The following PTPRD variants were observed in gnomAD, a reference collection of about 807,000 sequenced individuals.
PTPRD encodes receptor-type tyrosine-protein phosphatase delta.
In PTPRD, 34 loss-of-function variants were observed where a neutral mutation model predicts 214.5. The ratio of observed to expected loss-of-function variants is 0.16; its 90% CI spans 0.12 to 0.21. PTPRD has a LOEUF of 0.21. Ranked by LOEUF, PTPRD falls within the 10% of genes least tolerant of loss-of-function variation. The probability of loss-of-function intolerance (pLI) is 1.00; values close to 1 mark genes in which losing one functional copy is unlikely to be tolerated. For missense variants in PTPRD, 2,545 were observed against 2,398.7 expected, an observed-to-expected ratio of 1.06 and a Z score of -1.27; for synonymous variants, 1,128 against 845.7, an observed-to-expected ratio of 1.33 and a Z score of -5.79.
At chr9:9,407,519 T>C (rs1480607694) in intron 8 of PTPRD, among the ~76,000 whole-genome samples, 1 of 151,794 alleles carries the variant, frequency 6.6e-6, no homozygotes, top group African/African-American at 2.4e-5. Flanking sequence ...TAATAGGATA[T>C]GAAGAAATTT....
intron 11 of PTPRD, chr9:8,963,029 T>C (rs1239480123): frequency 6.6e-6 from 1 of 152,074 alleles, no homozygotes; most frequent in Non-Finnish European, 1.5e-5. Flanking sequence ...GAGTAAAATG[T>C]ATAAAATATA....
At chr9:9,863,645 GATTT>G (rs1359176094) in intron 5 of PTPRD, among the ~76,000 whole-genome samples, 3 of 152,102 alleles carry the variant, frequency 2.0e-5, no homozygotes, top group African/African-American at 2.4e-5. Context: ...TTTCCCCAGA[GATTT>G]ATTAAGAATG....
chr9:10,269,120 A>G (rs1333160305), intron 3 of PTPRD, among the ~76,000 whole-genome samples: 1 of 152,114 alleles, frequency 6.6e-6, no homozygotes, highest in East Asian at 1.9e-4. Flanking sequence ...AAAGATTTTC[A>G]CTCCACAAGC....
chr9:10,035,575 T>C (rs1275509412), intron 3 of PTPRD, among the ~76,000 whole-genome samples: 4 of 152,102 alleles, frequency 2.6e-5, no homozygotes, highest in Non-Finnish European at 5.9e-5. Flanking sequence ...AGGTTTTACA[T>C]TTAAGTCTTT....
At position 9,081,528 on chromosome 9, in the gene PTPRD, G is replaced by T. The variant is rs551550829; in HGVS notation, c.-142-62793C>A. Among the ~76,000 whole-genome samples the T allele has an allele frequency of 2.6e-5, 4 of 152,182 alleles. No individual in the cohort carries two copies. The South Asian group carries it at 8.3e-4, about 32-fold the overall frequency. ...TACTAGGTCTTCTTCTTCCAGAGCC[G>T]AGTACAAGTCCTGAATATCCTTGTT... On this transcript the variant is annotated intron_variant, in intron 10 of 45. Coordinates refer to ENST00000381196, the MANE Select transcript of PTPRD (RefSeq NM_002839.4).
intron 11 of PTPRD, among the ~76,000 whole-genome samples, chr9:8,869,560 G>A (rs2154547351): frequency 6.6e-6 from 1 of 152,014 alleles, no homozygotes; most frequent in East Asian, 1.9e-4. Context: ...CAGAATTGTT[G>A]GCAAGCTTCT....
chr9:10,427,241 A>T (rs2098630725), intron 2 of PTPRD, among the ~76,000 whole-genome samples: 1 of 152,082 alleles, frequency 6.6e-6, no homozygotes, highest in Non-Finnish European at 1.5e-5. Context: ...TTTTTCTATG[A>T]ATAACTTCCT....
At chr9:9,094,395 T>C (rs1441817839) in intron 10 of PTPRD, among the ~76,000 whole-genome samples, 1 of 152,160 alleles carries the variant, frequency 6.6e-6, no homozygotes, top group Non-Finnish European at 1.5e-5. Context: ...TGGAGATGAT[T>C]ATTCTAAGTG....
intron 3 of PTPRD, among the ~76,000 whole-genome samples, chr9:10,073,246 G>A (rs1436238769): frequency 6.6e-6 from 1 of 152,058 alleles, no homozygotes; most frequent in Non-Finnish European, 1.5e-5. Context: ...AATGCAGGCT[G>A]TAACATAAGA....
intron 2 of PTPRD, among the ~76,000 whole-genome samples, chr9:10,398,931 T>C (rs1771406525): frequency 6.6e-6 from 1 of 151,996 alleles, no homozygotes. Context: ...TTAGGCTATT[T>C]GAGCCAAAAA....
At chr9:9,264,748 T>G (rs897117756) in intron 9 of PTPRD, among the ~76,000 whole-genome samples, 6 of 151,494 alleles carry the variant, frequency 4.0e-5, no homozygotes, top group African/African-American at 1.5e-4. Flanking sequence ...AATAAAACTG[T>G]CAAAAATCAA....
chr9:9,944,031 C>G (rs1354723079), intron 4 of PTPRD, among the ~76,000 whole-genome samples: 5 of 152,062 alleles, frequency 3.3e-5, no homozygotes, highest in Non-Finnish European at 5.9e-5. Flanking sequence ...AAACTCAAGG[C>G]TTTAGTCTTC....
intron 2 of PTPRD, among the ~76,000 whole-genome samples, chr9:10,513,280 G>T (rs1237932428): frequency 6.6e-6 from 1 of 152,040 alleles, no homozygotes; most frequent in South Asian, 2.1e-4. Flanking sequence ...TTACCAGTAT[G>T]AGGAATATCA....
intron 5 of PTPRD, among the ~76,000 whole-genome samples, chr9:9,825,138 T>C (rs2052283245): frequency 6.6e-6 from 1 of 152,014 alleles, no homozygotes; most frequent in Non-Finnish European, 1.5e-5. Flanking sequence ...AATACTTTTA[T>C]ATAATGAGAC....
At chr9:9,650,169 G>T (rs960027261) in intron 7 of PTPRD, among the ~76,000 whole-genome samples, 1 of 152,164 alleles carries the variant, frequency 6.6e-6, no homozygotes, top group Non-Finnish European at 1.5e-5. Flanking sequence ...AGTGTGCAGT[G>T]GTTTTCCCCC....
intron 10 of PTPRD, among the ~76,000 whole-genome samples, chr9:9,128,739 T>A (rs1240027798): frequency 1.3e-5 from 2 of 152,208 alleles, no homozygotes; most frequent in African/African-American, 4.8e-5. Flanking sequence ...GAGTTTAGGT[T>A]TCGTGTAAAA....
chr9:9,474,686 T>G (rs969738318), intron 8 of PTPRD, among the ~76,000 whole-genome samples: 1 of 151,824 alleles, frequency 6.6e-6, no homozygotes, highest in African/African-American at 2.4e-5. Context: ...CCTAGGGTTT[T>G]TTTTGTAGCT....
chr9:9,520,281 ATT>A (rs1180886316), intron 8 of PTPRD, among the ~76,000 whole-genome samples: 9 of 76,362 alleles, frequency 1.2e-4, no homozygotes, highest in Non-Finnish European at 3.5e-4. Context: ...ATATATATAT[ATT>A]AAGTTATATA....
intron 39 of PTPRD, among the ~76,000 whole-genome samples, chr9:8,345,110 C>A (rs1347847063): frequency 6.6e-6 from 1 of 152,048 alleles, no homozygotes; most frequent in Non-Finnish European, 1.5e-5. Context: ...CCTCTGCCTT[C>A]TTTCCAATAA....
Sources: allele counts gnomAD v4.1 joint callset (sites outside exome capture counted in the v4.1 genomes callset), GRCh38; gene constraint gnomAD v4.1.1; transcripts MANE v1.5; gene names NCBI Gene and HGNC (gene_info 2026-07-23, HGNC 2026-07-21).